ZNF451: variants seen among roughly 807,000 people sequenced by gnomAD.
ZNF451 encodes zinc finger protein 451.
ZNF451 carries 80 observed loss-of-function variants against 107.1 expected under a neutral mutation model. That is an observed-to-expected ratio of 0.75 (90% CI 0.62 to 0.90). The LOEUF is 0.90. Among genes scored for constraint, ZNF451 ranks in the 40% least tolerant of loss-of-function variants. The pLI is 0.00. For missense variants in ZNF451, 1,107 were observed against 1,236.2 expected, an observed-to-expected ratio of 0.90 and a Z score of 1.57; for synonymous variants, 362 against 406.5, an observed-to-expected ratio of 0.89 and a Z score of 1.32.
chr6:57,138,156 T>G lies in ZNF451; in HGVS notation c.703-3146T>G, dbSNP rs553023643. ...TACCTTTTTAATTTTTTTGAAGAAG[T>G]GCCAAACTGCTGTCTAGTGCACTGC... On this transcript the variant is annotated intron_variant, in intron 7 of 14. Coordinates refer to ENST00000370706, the MANE Select transcript of ZNF451 (RefSeq NM_001031623.3). Among the ~76,000 whole-genome samples the G allele has an allele frequency of 6.6e-5, 10 of 152,294 alleles. No individual in the cohort carries two copies. The South Asian group carries it at 1.9e-3, about 28-fold the overall frequency.
rs376324423 is a variant in ZNF451, at chr6:57,147,717, T to C, written c.1632T>C (p.Asp544=). 1.2e-6 allele frequency: 2 copies of C among 1,613,934 alleles called. No individual in the cohort carries two copies. The highest frequency in any genetic ancestry group is 1.7e-6 in the Non-Finnish European group (2 of 1,179,998). ...GCAAAAAGGAGTTAACAAGGAAAGA[T>C]ACTATCATGGCACATGTGACTGAAT... ...RTCKKELTRK[D]TIMAHVTEFH... is the part of the protein sequence containing the mutation. Residue 544 remains aspartate (D), a synonymous_variant, in exon 10 of 15, where the codon GAT becomes GAC. Transcript: ENST00000370706.
intron 12 of ZNF451, among the ~76,000 whole-genome samples, chr6:57,153,068 A>G (rs1832424283): frequency 6.6e-6 from 1 of 152,068 alleles, no homozygotes; most frequent in Non-Finnish European, 1.5e-5. Context: ...CTGCTTGGGG[A>G]CTTACATGTC....
At chr6:57,156,997 T>G (rs1056596467) in intron 13 of ZNF451, among the ~76,000 whole-genome samples, 3 of 152,220 alleles carry the variant, frequency 2.0e-5, no homozygotes, top group African/African-American at 7.2e-5. Context: ...GGCCCAGTTC[T>G]TAACAGGCCA....
intron 3 of ZNF451, chr6:57,101,104 T>G: frequency 6.4e-7 from 1 of 1,550,684 alleles, no homozygotes; most frequent in East Asian, 2.4e-5. Flanking sequence ...AGAGGAAAAT[T>G]TATCCACAGT....
chr6:57,148,672 G>A lies in ZNF451; in HGVS notation c.2587G>A (p.Asp863Asn). Residue 863 changes from aspartate (D) to asparagine (N), a missense_variant, in exon 10 of 15, where the codon GAC becomes AAC. Around this residue, in one of 5 missense-constraint regions of ZNF451, gnomAD observed 608 missense variants for 649.2 expected, o/e 0.94. Coordinates refer to ENST00000370706, the MANE Select transcript of ZNF451 (RefSeq NM_001031623.3). ...SLDMEKGVEN[D>N]LSYQNIEEEI... ...AGACATGGAGAAAGGAGTTGAGAAT[G>A]ACCTAAGCTATCAGAATATAGGTAT... is the stretch of plus-strand genomic sequence containing the variant. 6.2e-7 allele frequency: 1 copy of A among 1,610,064 alleles called. No individual in the cohort carries two copies. The highest frequency in any genetic ancestry group is 8.5e-7 in the Non-Finnish European group (1 of 1,178,378).
chr6:57,141,190 A>G, intron 7 of ZNF451, 112 bp from the exon 8 acceptor site: 3 of 838,668 alleles, frequency 3.6e-6, no homozygotes, highest in Non-Finnish European at 5.0e-6. Context: ...CATGTTAAAA[A>G]TTGATACAGG....
intron 3 of ZNF451, chr6:57,101,262 A>G: frequency 6.4e-7 from 1 of 1,551,068 alleles, no homozygotes; most frequent in Non-Finnish European, 8.7e-7. Context: ...AAGCGGAGTC[A>G]TGTGAAGGGA....
intron 3 of ZNF451, among the ~76,000 whole-genome samples, chr6:57,117,279 T>G (rs780170419): frequency 3.3e-5 from 5 of 152,074 alleles, no homozygotes; most frequent in Non-Finnish European, 7.4e-5. Context: ...AAGGAATGTT[T>G]CCTTTGAGCT....
At chr6:57,106,235 G>A (rs1480695603) in intron 3 of ZNF451, 1 of 985,138 alleles carries the variant, frequency 1.0e-6, no homozygotes, top group Non-Finnish European at 1.2e-6. Flanking sequence ...TAGTTGACTG[G>A]GATTCTGATG....
rs1017211164 is a variant in ZNF451, at chr6:57,124,720, T to C, written c.187-14T>C. The stretch of plus-strand genomic sequence containing the variant: ...ATTTTGTTAAAAGGAATGAAAATTT[T>C]TTTCATGTTATAGGAGAATATTAAA... On this transcript the variant is annotated splice_polypyrimidine_tract_variant and intron_variant, in intron 3 of 14. Coordinates refer to ENST00000370706, the MANE Select transcript of ZNF451 (RefSeq NM_001031623.3). 1.7e-5 allele frequency: 27 copies of C among 1,549,490 alleles called. No homozygotes were observed. Among genetic ancestry groups the C allele is most frequent in the Non-Finnish European group, 2.4e-5 (27 of 1,128,386 alleles).
intron 3 of ZNF451, among the ~76,000 whole-genome samples, chr6:57,117,908 A>T (rs1374591433): frequency 1.3e-5 from 2 of 152,180 alleles, no homozygotes; most frequent in Non-Finnish European, 2.9e-5. Flanking sequence ...CCGAGTTAGG[A>T]TTACCTAAAT....
chr6:57,108,017 T>G, intron 3 of ZNF451: 1 of 535,476 alleles, frequency 1.9e-6, no homozygotes. Flanking sequence ...TTTTTGTATT[T>G]TTAGTAGAGA....
chr6:57,103,241 T>C (rs1829691326), intron 3 of ZNF451: 1 of 985,336 alleles, frequency 1.0e-6, no homozygotes, highest in South Asian at 4.7e-5. Context: ...CCTTAAGATT[T>C]AAAGCATAGC....
intron 2 of ZNF451, among the ~76,000 whole-genome samples, chr6:57,098,144 A>G (rs1192481163): frequency 6.7e-6 from 1 of 149,812 alleles, no homozygotes; most frequent in Non-Finnish European, 1.5e-5. Context: ...TAATTTGTAC[A>G]TTTTTAGTAG....
chr6:57,154,305 CAT>C (rs1467339336), intron 13 of ZNF451: 6 of 552,216 alleles, frequency 1.1e-5, no homozygotes, highest in South Asian at 1.1e-4. Flanking sequence ...GTATATAAAA[CAT>C]ATATTCATGT....
chr6:57,158,894 C>A, intron 13 of ZNF451: 2 of 985,382 alleles, frequency 2.0e-6, no homozygotes, highest in Non-Finnish European at 2.4e-6. Context: ...ATGAGTCATA[C>A]CAATTACACA....
At chr6:57,093,326 A>G (rs1829138257) in intron 2 of ZNF451, among the ~76,000 whole-genome samples, 1 of 152,250 alleles carries the variant, frequency 6.6e-6, no homozygotes, top group Non-Finnish European at 1.5e-5. Flanking sequence ...AAATCAGGAT[A>G]TAATTTCCTA....
chr6:57,123,743 GTTATAT>G (rs1830760345), intron 3 of ZNF451, among the ~76,000 whole-genome samples: 1 of 152,018 alleles, frequency 6.6e-6, no homozygotes, highest in Non-Finnish European at 1.5e-5. Context: ...TACACATTTT[GTTATAT>G]TTATACCTAA....
intron 14 of ZNF451, chr6:57,165,983 C>T (rs778525571): frequency 1.3e-5 from 2 of 151,670 alleles, no homozygotes; most frequent in African/African-American, 2.4e-5. Context: ...TAGGATGTTA[C>T]TGTACTCTAC....
Sources: allele counts gnomAD v4.1 joint callset (sites outside exome capture counted in the v4.1 genomes callset), GRCh38; gene constraint gnomAD v4.1.1; regional missense constraint gnomAD v4.1.1; transcripts MANE v1.5; gene names NCBI Gene and HGNC (gene_info 2026-07-23, HGNC 2026-07-21).